The following PCDH15 variants were observed in gnomAD, a reference collection of about 807,000 sequenced individuals.
PCDH15 encodes the protein protocadherin related 15.
PCDH15 carries 129 observed loss-of-function variants against 178.5 expected under a neutral mutation model. The observed-to-expected ratio is 0.72, with a 90% CI of 0.63 to 0.84. The LOEUF (loss-of-function observed/expected upper bound fraction) is 0.84, where lower values mean the gene tolerates loss of function less well. Ranked by LOEUF, PCDH15 falls within the 40% of genes least tolerant of loss-of-function variation. The pLI is 0.00. For synonymous variants in PCDH15, 800 were observed against 732.0 expected (o/e 1.09, Z -1.50); for missense variants, 2,230 against 2,099.9 (o/e 1.06, Z -1.21).
intron 3 of PCDH15, among the ~76,000 whole-genome samples, chr10:54,451,390 T>C (rs1457750271): frequency 1.3e-5 from 2 of 151,970 alleles, no homozygotes; most frequent in Non-Finnish European, 2.9e-5. Context: ...GAATAAGGTA[T>C]AGTTTGGATG....
rs1838564606 is a variant in PCDH15 at position 55,419,418 on chromosome 10, A to T, written c.-156+208207T>A. Among the ~76,000 whole-genome samples the T allele has an allele frequency of 7.9e-5, 12 of 151,926 alleles. No individual in the cohort carries two copies. The South Asian group carries it at 2.5e-3, about 32-fold the overall frequency. On this transcript the variant is annotated intron_variant, in intron 2 of 5. Coordinates refer to the PCDH15 transcript ENST00000613346. ...AAACCATCTATTAAACAGCAATACT[A>T]GGTGATGTGAACTGTAACAGCAGTG...
chr10:53,926,682 G>A (rs2084581233), intron 25 of PCDH15, among the ~76,000 whole-genome samples: 1 of 152,184 alleles, frequency 6.6e-6, no homozygotes, highest in African/African-American at 2.4e-5. Context: ...TCTAGGATCT[G>A]AGGGCTGTGT....
At chr10:55,330,859 T>TGC in intron 2 of PCDH15, among the ~76,000 whole-genome samples, 1 of 151,516 alleles carries the variant, frequency 6.6e-6, no homozygotes, top group South Asian at 2.1e-4. Context: ...TGTGTGTGTG[T>TGC]GTGTGTGTGT....
chr10:54,796,282 G>GTCTATGTATC, intron 1 of PCDH15, among the ~76,000 whole-genome samples: 1 of 126,342 alleles, frequency 7.9e-6, no homozygotes, highest in Non-Finnish European at 1.7e-5. Context: ...ATGTATCTAT[G>GTCTATGTATC]TATCTATCTA....
chr10:54,905,871 T>C (rs1310137317), intron 2 of PCDH15, among the ~76,000 whole-genome samples: 2 of 152,132 alleles, frequency 1.3e-5, no homozygotes, highest in Non-Finnish European at 2.9e-5. Flanking sequence ...AAGCCACTTT[T>C]AATGCAGCAG....
chr10:53,985,477 G>A (rs1231513143), intron 21 of PCDH15, among the ~76,000 whole-genome samples: 1 of 152,140 alleles, frequency 6.6e-6, no homozygotes, highest in Non-Finnish European at 1.5e-5. Context: ...ATGGCTTGAG[G>A]TTGGAGAGAG....
chr10:54,806,640 T>A (rs887261222), intron 3 of PCDH15, among the ~76,000 whole-genome samples: 5 of 152,010 alleles, frequency 3.3e-5, no homozygotes, highest in Admixed American at 2.6e-4. Context: ...CCCGCCACTA[T>A]ACCTGGCTAA....
At chr10:55,259,530 A>G (rs1372461370) in intron 1 of PCDH15, among the ~76,000 whole-genome samples, 1 of 152,202 alleles carries the variant, frequency 6.6e-6, no homozygotes, top group Non-Finnish European at 1.5e-5. Flanking sequence ...CTATCAGTCA[A>G]CTGGTGAAAG....
intron 6 of PCDH15, among the ~76,000 whole-genome samples, chr10:54,343,496 G>A (rs1368623082): frequency 6.6e-6 from 1 of 152,062 alleles, no homozygotes; most frequent in South Asian, 2.1e-4. Context: ...CTTTATAGAA[G>A]TGTGAAAATG....
chr10:55,547,118 G>GAC (rs1299525681), intron 2 of PCDH15, among the ~76,000 whole-genome samples: 1 of 152,164 alleles, frequency 6.6e-6, no homozygotes, highest in Non-Finnish European at 1.5e-5. Flanking sequence ...ACTGGGATCA[G>GAC]TCACTGGCAA....
intron 2 of PCDH15, among the ~76,000 whole-genome samples, chr10:55,470,819 C>G (rs1252308467): frequency 6.6e-6 from 1 of 152,080 alleles, no homozygotes; most frequent in Non-Finnish European, 1.5e-5. Context: ...CCAGCTCATC[C>G]CTCACTGTTC....
At chr10:55,247,279 T>C (rs1592018105) in intron 1 of PCDH15, among the ~76,000 whole-genome samples, 1 of 150,928 alleles carries the variant, frequency 6.6e-6, no homozygotes. Flanking sequence ...AATGGGAAAA[T>C]AAAACTGGTG....
Position 55,461,646 on chromosome 10 carries a change from G to A in PCDH15, c.-156+165979C>T, listed in dbSNP as rs546079689. On this transcript the variant is annotated intron_variant, in intron 2 of 5. Transcript: ENST00000613346. ...GATTCAAAAAATATCCCAGATATAA[G>A]GTCAAGTTTTCAGTTTCTTACCAAA... Among the ~76,000 whole-genome samples, 4 of 152,072 alleles carry A rather than the reference G, an allele frequency of 2.6e-5. No individual in the cohort carries two copies. The East Asian group carries it at 5.8e-4, about 22-fold the overall frequency.
chr10:55,157,252 G>A (rs9733594), intron 2 of PCDH15, among the ~76,000 whole-genome samples: 60,474 of 151,256 alleles, frequency 0.4, 12,758 homozygotes, highest in African/African-American at 0.54. Flanking sequence ...AAACCACAAT[G>A]AGATACCATC....
chr10:54,497,702 C>T (rs1007777640), intron 3 of PCDH15, among the ~76,000 whole-genome samples: 2 of 151,948 alleles, frequency 1.3e-5, no homozygotes, highest in African/African-American at 4.8e-5. Context: ...GAGGAAAGAA[C>T]CTCCAGGGCT....
intron 1 of PCDH15, among the ~76,000 whole-genome samples, chr10:54,697,515 G>GTATATATATATATATATATATA (rs141387823): frequency 2.1e-5 from 3 of 143,110 alleles, no homozygotes; most frequent in East Asian, 2.0e-4. Context: ...TGAAATGTGT[G>GTATATATATATATATATATATA]TATATATATA....
intron 1 of PCDH15, among the ~76,000 whole-genome samples, chr10:55,209,274 G>A (rs921363310): frequency 1.3e-5 from 2 of 152,100 alleles, no homozygotes; most frequent in Non-Finnish European, 2.9e-5. Flanking sequence ...GAACTGAGAT[G>A]ATGCAGAACC....
chr10:54,896,868 A>T (rs1954555099), intron 3 of PCDH15, among the ~76,000 whole-genome samples: 1 of 152,204 alleles, frequency 6.6e-6, no homozygotes, highest in Non-Finnish European at 1.5e-5. Flanking sequence ...AATCTCAGGT[A>T]ATAAGTTAAT....
intron 21 of PCDH15, among the ~76,000 whole-genome samples, chr10:53,968,372 GC>G (rs1354155592): frequency 2.0e-5 from 3 of 152,174 alleles, no homozygotes; most frequent in East Asian, 3.9e-4. Flanking sequence ...ACCGGGTGGA[GC>G]CCACCACAGC....
Sources: gnomAD v4.1 joint callset for allele counts (sites outside exome capture counted in the v4.1 genomes callset) on GRCh38, gnomAD v4.1.1 for gene constraint, MANE v1.5 for transcripts, NCBI Gene and HGNC (gene_info 2026-07-23, HGNC 2026-07-21) for gene names.